Variants in THSD7B observed in about 807,000 individuals in gnomAD.
THSD7B encodes thrombospondin type-1 domain-containing protein 7B.
THSD7B carries 138 observed loss-of-function variants against 213.6 expected under a neutral mutation model. That is an observed-to-expected ratio of 0.65 (90% confidence interval 0.56 to 0.74). THSD7B has a LOEUF of 0.74. Among genes scored for constraint, THSD7B ranks in the 30% least tolerant of loss-of-function variants. The pLI is 0.00. For synonymous variants in THSD7B, 742 were observed against 687.0 expected, an observed-to-expected ratio of 1.08 and a Z score of -1.25; for missense variants, 1,931 against 1,991.5, an observed-to-expected ratio of 0.97 and a Z score of 0.58.
At chr2:137,233,599 C>T (rs35089814) in intron 9 of THSD7B, among the ~76,000 whole-genome samples, 7,004 of 152,178 alleles carry the variant, frequency 0.046, 201 homozygotes, top group Admixed American at 0.069. Flanking sequence ...TGAATCCATG[C>T]CCTCCAGAAG....
At chr2:136,928,050 A>G (rs548088193) in intron 2 of THSD7B, among the ~76,000 whole-genome samples, 2 of 152,262 alleles carry the variant, frequency 1.3e-5, no homozygotes, top group South Asian at 4.2e-4. Context: ...GAAGTTTTTA[A>G]TACAGATGCT....
chr2:137,386,347 G>A (rs1002066397), intron 12 of THSD7B, among the ~76,000 whole-genome samples: 18 of 152,100 alleles, frequency 1.2e-4, no homozygotes, highest in African/African-American at 4.3e-4. Flanking sequence ...ACACATTGTA[G>A]GAACATTGGT....
At chr2:137,299,062 G>A (rs563531553) in intron 12 of THSD7B, among the ~76,000 whole-genome samples, 1 of 152,238 alleles carries the variant, frequency 6.6e-6, no homozygotes, top group African/African-American at 2.4e-5. Context: ...AAGGCAGCCA[G>A]AAGGGAGGCT....
intron 4 of THSD7B, among the ~76,000 whole-genome samples, chr2:137,099,348 A>G (rs926593760): frequency 6.6e-6 from 1 of 152,196 alleles, no homozygotes; most frequent in Non-Finnish European, 1.5e-5. Context: ...GAAGGCAAAA[A>G]GCATTCTAAC....
chr2:137,561,210 A>G (rs1681111133), intron 15 of THSD7B, among the ~76,000 whole-genome samples: 1 of 152,196 alleles, frequency 6.6e-6, no homozygotes, highest in South Asian at 2.1e-4. Context: ...CATAAAGAAT[A>G]TAAGCAAGAA....
At chr2:137,081,008 T>G (rs1413274752) in intron 3 of THSD7B, among the ~76,000 whole-genome samples, 1 of 152,202 alleles carries the variant, frequency 6.6e-6, no homozygotes, top group Non-Finnish European at 1.5e-5. Flanking sequence ...CTATTTACTA[T>G]TCTTGAAAAT....
At chr2:137,080,034 G>T (rs187238178) in intron 3 of THSD7B, among the ~76,000 whole-genome samples, 177 of 152,148 alleles carry the variant, frequency 1.2e-3, no homozygotes, top group African/African-American at 4.0e-3. Context: ...TAGAGAAGAC[G>T]TTTCACCATG....
intron 5 of THSD7B, among the ~76,000 whole-genome samples, chr2:137,131,913 GAAGA>G (rs1484557059): frequency 6.6e-6 from 1 of 151,802 alleles, no homozygotes; most frequent in African/African-American, 2.4e-5. Context: ...CCAATTCTGT[GAAGA>G]AAGTCATTAG....
At chr2:136,980,668 G>A (rs181561895) in intron 2 of THSD7B, among the ~76,000 whole-genome samples, 2 of 152,322 alleles carry the variant, frequency 1.3e-5, no homozygotes, top group East Asian at 3.9e-4. Context: ...ATCTGAGGCA[G>A]TCTCCAGCCT....
At chr2:136,802,750 A>T (rs1247693467) in intron 1 of THSD7B, among the ~76,000 whole-genome samples, 4 of 147,114 alleles carry the variant, frequency 2.7e-5, no homozygotes, top group South Asian at 4.3e-4. Context: ...CTACAATGAA[A>T]TATTAAGCAA....
chr2:137,170,357 C>T (rs142494614), intron 6 of THSD7B, among the ~76,000 whole-genome samples: 71 of 151,998 alleles, frequency 4.7e-4, no homozygotes, highest in African/African-American at 1.7e-3. Context: ...CCGAATGCAG[C>T]GTAACAAGAA....
chr2:137,208,365 C>T (rs989176038), intron 7 of THSD7B, among the ~76,000 whole-genome samples: 6 of 151,892 alleles, frequency 4.0e-5, no homozygotes, highest in Non-Finnish European at 7.4e-5. Context: ...AACTTGTTTG[C>T]GGAGGCCTGG....
At chr2:136,880,294 T>C (rs1683597115) in intron 1 of THSD7B, among the ~76,000 whole-genome samples, 3 of 152,326 alleles carry the variant, frequency 2.0e-5, no homozygotes, top group South Asian at 2.1e-4. Flanking sequence ...AGGAAGCTCA[T>C]AGTCAGATTT....
At chr2:137,169,913 A>G (rs1680211027) in intron 6 of THSD7B, among the ~76,000 whole-genome samples, 1 of 152,218 alleles carries the variant, frequency 6.6e-6, no homozygotes, top group Non-Finnish European at 1.5e-5. Context: ...ATCTGTTAAC[A>G]GAGGGTTCAT....
chr2:137,621,802 G>A (rs1231395146), intron 20 of THSD7B, among the ~76,000 whole-genome samples: 1 of 152,204 alleles, frequency 6.6e-6, no homozygotes, highest in Non-Finnish European at 1.5e-5. Flanking sequence ...AATTTATGAA[G>A]AAAATTGGTT....
intron 1 of THSD7B, among the ~76,000 whole-genome samples, chr2:136,865,738 G>A (rs952229110): frequency 1.3e-5 from 2 of 152,188 alleles, no homozygotes; most frequent in African/African-American, 2.4e-5. Context: ...TTAGGAAGAT[G>A]TCATCCCTGG....
intron 15 of THSD7B, among the ~76,000 whole-genome samples, chr2:137,463,086 G>T (rs750142626): frequency 6.6e-6 from 1 of 152,092 alleles, no homozygotes; most frequent in Admixed American, 6.5e-5. Flanking sequence ...ATTTGAGCTT[G>T]CTCTATTTCC....
intron 12 of THSD7B, among the ~76,000 whole-genome samples, chr2:137,297,577 T>C (rs1286453140): frequency 1.3e-5 from 2 of 152,072 alleles, no homozygotes; most frequent in African/African-American, 4.8e-5. Flanking sequence ...CCGAATGTCC[T>C]TGAAGTTAGT....
At chr2:137,426,871 G>GA (rs1267660886) in intron 14 of THSD7B, among the ~76,000 whole-genome samples, 1 of 152,078 alleles carries the variant, frequency 6.6e-6, no homozygotes, top group Non-Finnish European at 1.5e-5. Context: ...CATGGAATAG[G>GA]AAAAAATATT....
Sources: allele counts gnomAD v4.1 joint callset (sites outside exome capture counted in the v4.1 genomes callset), GRCh38; gene constraint gnomAD v4.1.1; transcripts MANE v1.5; gene names NCBI Gene and HGNC (gene_info 2026-07-23, HGNC 2026-07-21).